Variants in PLSCR2 observed in about 807,000 individuals in gnomAD.
PLSCR2 encodes phospholipid scramblase 2.
Under a neutral mutation model 25.3 loss-of-function variants are expected in PLSCR2, and 18 were observed. The ratio of observed to expected loss-of-function variants is 0.71; its 90% CI spans 0.49 to 1.06. The LOEUF (loss-of-function observed/expected upper bound fraction) is 1.06, where lower values mean the gene tolerates loss of function less well. PLSCR2 is among the 50% of genes least tolerant of loss of function. PLSCR2 has a pLI of 0.00. For synonymous variants in PLSCR2, 88 were observed against 87.3 expected, an observed-to-expected ratio of 1.01 and a Z score of -0.04; for missense variants, 243 against 269.5, an observed-to-expected ratio of 0.90 and a Z score of 0.69.
intron 2 of PLSCR2, among the ~76,000 whole-genome samples, chr3:146,405,198 T>C (rs1471511888): frequency 1.3e-5 from 2 of 152,004 alleles, no homozygotes; most frequent in African/African-American, 4.8e-5. Context: ...AGAAATAAAG[T>C]AGGCAAAAAG....
At chr3:146,433,486 G>C (rs1465710339) in exon 9 of PLSCR2, 1 of 152,072 alleles carries the variant, frequency 6.6e-6, no homozygotes, top group Non-Finnish European at 1.5e-5. Flanking sequence ...ATCAGTTATA[G>C]TTTCATTTTG....
intron 1 of PLSCR2, among the ~76,000 whole-genome samples, chr3:146,484,465 A>G (rs936840640): frequency 1.3e-5 from 2 of 152,046 alleles, no homozygotes; most frequent in Non-Finnish European, 2.9e-5. Flanking sequence ...TTATGAAAAG[A>G]TCAACTCCAA....
At chr3:146,450,174 CAT>C (rs1491430070) in intron 5 of PLSCR2, among the ~76,000 whole-genome samples, 1 of 152,070 alleles carries the variant, frequency 6.6e-6, no homozygotes, top group African/African-American at 2.4e-5. Flanking sequence ...CACCAAACTA[CAT>C]GTTAAGAGTT....
At chr3:146,423,282 T>TCTCTCTCTCTCTCTCTCTCTCTCTCC (rs758576585) in intron 2 of PLSCR2, among the ~76,000 whole-genome samples, 9 of 101,004 alleles carry the variant, frequency 8.9e-5, no homozygotes, top group East Asian at 2.9e-4. Flanking sequence ...TCTCTCTCTC[T>TCTCTCTCTCTCTCTCTCTCTCTCTCC]CCCTGGCTAG....
chr3:146,469,663 T>G, intron 1 of PLSCR2, 102 bp from the exon 1 acceptor site: 1 of 700,122 alleles, frequency 1.4e-6, no homozygotes, highest in Non-Finnish European at 1.8e-6. Flanking sequence ...CAGCCCCTAG[T>G]TTAGGTTTCT....
intron 1 of PLSCR2, among the ~76,000 whole-genome samples, chr3:146,475,183 C>T (rs1039701407): frequency 7.9e-5 from 12 of 152,114 alleles, no homozygotes; most frequent in African/African-American, 2.7e-4. Context: ...GTGCCCTTGA[C>T]GGAGAGATGT....
At chr3:146,450,127 C>T (rs1288864791) in intron 5 of PLSCR2, among the ~76,000 whole-genome samples, 2 of 152,146 alleles carry the variant, frequency 1.3e-5, no homozygotes, top group African/African-American at 4.8e-5. Flanking sequence ...AAACACCTCA[C>T]CAGATGGGCA....
chr3:146,449,059 T>C, intron 6 of PLSCR2, 147 bp downstream of exon 6: 1 of 633,610 alleles, frequency 1.6e-6, no homozygotes, highest in South Asian at 2.3e-5. Context: ...CAGAATCAAA[T>C]AGAATTTCAG....
intron 1 of PLSCR2, among the ~76,000 whole-genome samples, chr3:146,492,080 T>C (rs996405837): frequency 2.0e-5 from 3 of 152,158 alleles, no homozygotes; most frequent in Non-Finnish European, 2.9e-5. Flanking sequence ...TGGCTTCATT[T>C]CTGAATGCTT....
At chr3:146,454,469 G>A (rs930095916) in intron 4 of PLSCR2, among the ~76,000 whole-genome samples, 5 of 152,046 alleles carry the variant, frequency 3.3e-5, no homozygotes, top group African/African-American at 1.2e-4. Flanking sequence ...CAAAATAAGT[G>A]CAGTATTAGA....
At chr3:146,434,323 T>A (rs976692350) in intron 8 of PLSCR2, among the ~76,000 whole-genome samples, 1 of 152,146 alleles carries the variant, frequency 6.6e-6, no homozygotes, top group African/African-American at 2.4e-5. Flanking sequence ...TTTGAACAGG[T>A]ATTCCACTTT....
intron 1 of PLSCR2, among the ~76,000 whole-genome samples, chr3:146,467,891 G>C (rs528035861): frequency 6.6e-6 from 1 of 152,044 alleles, no homozygotes; most frequent in Admixed American, 6.6e-5. Flanking sequence ...GGGCTTATTC[G>C]GGAAATGAAA....
chr3:146,421,884 G>C (rs1342407210), intron 2 of PLSCR2, among the ~76,000 whole-genome samples: 1 of 152,054 alleles, frequency 6.6e-6, no homozygotes, highest in Admixed American at 6.6e-5. Flanking sequence ...CATTAGCTGA[G>C]CAGCACTTTC....
chr3:146,486,214 T>C (rs1005072410), intron 1 of PLSCR2, among the ~76,000 whole-genome samples: 17 of 151,934 alleles, frequency 1.1e-4, no homozygotes, highest in African/African-American at 4.1e-4. Context: ...ATCACAAAGC[T>C]AGAAAGATCT....
chr3:146,462,686 T>G (rs1020081881), upstream of PLSCR2, among the ~76,000 whole-genome samples: 15 of 152,150 alleles, frequency 9.9e-5, no homozygotes, highest in African/African-American at 3.1e-4. Flanking sequence ...AGGCTGGTCT[T>G]GAACTCCTGA....
chr3:146,452,429 C>A (rs1221255634), intron 5 of PLSCR2, among the ~76,000 whole-genome samples: 1 of 151,864 alleles, frequency 6.6e-6, no homozygotes, highest in Non-Finnish European at 1.5e-5. Flanking sequence ...GCACATAGAA[C>A]CTAGGTAAAC....
downstream of PLSCR2, among the ~76,000 whole-genome samples, chr3:146,433,036 C>G (rs533353949): frequency 3.9e-5 from 6 of 152,188 alleles, no homozygotes; most frequent in African/African-American, 9.6e-5. Context: ...TAGGTCTTAA[C>G]TTTTTTCTTT....
chr3:146,471,508 T>A (rs1188413373), intron 1 of PLSCR2, among the ~76,000 whole-genome samples: 1 of 152,132 alleles, frequency 6.6e-6, no homozygotes, highest in Non-Finnish European at 1.5e-5. Context: ...TTTTTTTCCC[T>A]CTTGCTGATT....
At position 146,467,820 on chromosome 3, in the gene PLSCR2, G is replaced by A. The variant is rs146401706; in HGVS notation, c.-292-7536C>T. ...CAGGCCATAGGGATGTATGAGGGGC[G>A]TGGTAGGGCATTATAGACAGAGGGA... On this transcript the variant is annotated intron_variant, in intron 1 of 8. Coordinates refer to the PLSCR2 transcript ENST00000336685. 1.6e-3 allele frequency among the ~76,000 whole-genome samples: 250 copies of A among 152,246 alleles called. 1 individual carries two copies. The highest frequency in any genetic ancestry group is 5.8e-3 in the African/African-American group (239 of 41,534).
Sources: gnomAD v4.1 joint callset for allele counts (sites outside exome capture counted in the v4.1 genomes callset) on GRCh38, gnomAD v4.1.1 for gene constraint, MANE v1.5 for transcripts, NCBI Gene and HGNC (gene_info 2026-07-23, HGNC 2026-07-21) for gene names.